The following SHISA9 variants were observed in gnomAD, a reference collection of about 807,000 sequenced individuals.
The protein encoded by SHISA9 is protein shisa-9.
A neutral mutation model predicts 38.0 loss-of-function variants in SHISA9; 13 were observed. The ratio of observed to expected loss-of-function variants is 0.34; its 90% CI spans 0.22 to 0.54. SHISA9 has a LOEUF of 0.54. Ranked by LOEUF, SHISA9 falls within the 20% of genes least tolerant of loss-of-function variation. The pLI is 0.91. For synonymous variants in SHISA9, 275 were observed against 242.0 expected, an observed-to-expected ratio of 1.14 and a Z score of -1.27; for missense variants, 538 against 575.8, an observed-to-expected ratio of 0.93 and a Z score of 0.67.
At chr16:13,001,603 G>T (rs1392223188) in intron 2 of SHISA9, among the ~76,000 whole-genome samples, 1 of 152,176 alleles carries the variant, frequency 6.6e-6, no homozygotes, top group Non-Finnish European at 1.5e-5. Context: ...AGCCTTCTGG[G>T]CTGATGCAAA....
At chr16:13,351,365 A>G in the SHISA9 span, among the ~76,000 whole-genome samples, 1 of 150,318 alleles carries the variant, frequency 6.7e-6, no homozygotes, top group East Asian at 2.0e-4. Flanking sequence ...TCTAACCTTC[A>G]GTTCACTGAC....
intron 2 of SHISA9, among the ~76,000 whole-genome samples, chr16:13,033,663 G>A (rs1212508168): frequency 6.6e-6 from 1 of 152,154 alleles, no homozygotes; most frequent in Non-Finnish European, 1.5e-5. Flanking sequence ...AAACTGCCAG[G>A]AGCTCACTGT....
intron 2 of SHISA9, among the ~76,000 whole-genome samples, chr16:13,101,871 A>C (rs987071304): frequency 6.6e-6 from 1 of 152,230 alleles, no homozygotes; most frequent in African/African-American, 2.4e-5. Context: ...TTAAAACTAA[A>C]TAAATAAATA....
At chr16:12,912,966 C>T (rs1460691495) in intron 1 of SHISA9, among the ~76,000 whole-genome samples, 1 of 152,126 alleles carries the variant, frequency 6.6e-6, no homozygotes, top group African/African-American at 2.4e-5. Context: ...ACGTGTCCAA[C>T]TCCTCGCTGT....
chr16:13,384,254 C>G, the SHISA9 span, among the ~76,000 whole-genome samples: 1 of 152,200 alleles, frequency 6.6e-6, no homozygotes, highest in African/African-American at 2.4e-5. Flanking sequence ...ATGCAGATTT[C>G]AAGCTCTCCT....
chr16:12,995,113 G>T (rs143235707), intron 2 of SHISA9, among the ~76,000 whole-genome samples: 1,957 of 152,004 alleles, frequency 0.013, 12 homozygotes, highest in South Asian at 0.026. Flanking sequence ...TACATAGTAG[G>T]TGTCTATATT....
the SHISA9 span, among the ~76,000 whole-genome samples, chr16:13,414,747 C>T: frequency 9.4e-5 from 14 of 149,428 alleles, no homozygotes; most frequent in Non-Finnish European, 1.8e-4. Context: ...CGGGTTCAAG[C>T]GATTCTCCCT....
intron 2 of SHISA9, among the ~76,000 whole-genome samples, chr16:13,198,653 G>A (rs748961783): frequency 6.6e-5 from 10 of 152,090 alleles, no homozygotes; most frequent in Non-Finnish European, 1.3e-4. Flanking sequence ...TGCCAGGTCT[G>A]GTCTCTATCT....
At chr16:13,287,106 T>C in the SHISA9 span, among the ~76,000 whole-genome samples, 1 of 152,060 alleles carries the variant, frequency 6.6e-6, no homozygotes, top group African/African-American at 2.4e-5. Flanking sequence ...AGAAGGAAAA[T>C]GTAAGTACGT....
At chr16:13,354,394 G>C in the SHISA9 span, among the ~76,000 whole-genome samples, 1 of 147,726 alleles carries the variant, frequency 6.8e-6, no homozygotes, top group Non-Finnish European at 1.5e-5. Context: ...TGAATGTCAG[G>C]TGGATCAGAG....
chr16:13,091,145 G>A (rs2073770873), intron 2 of SHISA9, among the ~76,000 whole-genome samples: 2 of 152,122 alleles, frequency 1.3e-5, no homozygotes, highest in African/African-American at 2.4e-5. Flanking sequence ...CTTCTGGCTT[G>A]CACGGTTTCT....
intron 2 of SHISA9, among the ~76,000 whole-genome samples, chr16:13,063,497 G>A (rs902304851): frequency 6.6e-6 from 1 of 152,130 alleles, no homozygotes; most frequent in African/African-American, 2.4e-5. Flanking sequence ...CTCGTAAAGT[G>A]GAAATGACAC....
At chr16:13,538,298 C>G in the SHISA9 span, among the ~76,000 whole-genome samples, 2 of 152,146 alleles carry the variant, frequency 1.3e-5, no homozygotes, top group Admixed American at 6.5e-5. Flanking sequence ...CCTCTGCTGG[C>G]AAAATACACT....
the SHISA9 span, among the ~76,000 whole-genome samples, chr16:13,465,854 A>C: frequency 9.8e-5 from 15 of 152,370 alleles, no homozygotes; most frequent in Non-Finnish European, 1.9e-4. Context: ...TGTTTTGACA[A>C]GTAGTTTCAT....
chr16:12,970,394 T>TATATAC (rs1458789210), intron 2 of SHISA9, among the ~76,000 whole-genome samples: 3,821 of 16,214 alleles, frequency 0.24, 65 homozygotes, highest in South Asian at 0.32. Context: ...TATATGTATA[T>TATATAC]ATATATATAC....
chr16:13,185,703 G>A (rs1436222746), intron 2 of SHISA9, among the ~76,000 whole-genome samples: 1 of 152,102 alleles, frequency 6.6e-6, no homozygotes, highest in Non-Finnish European at 1.5e-5. Flanking sequence ...AGTGAGTCTT[G>A]TCCATTTTTC....
chr16:13,412,734 G>C, the SHISA9 span, among the ~76,000 whole-genome samples: 1 of 151,566 alleles, frequency 6.6e-6, no homozygotes, highest in Non-Finnish European at 1.5e-5. Flanking sequence ...GCACACACTG[G>C]TAGTTCCAGG....
intron 2 of SHISA9, among the ~76,000 whole-genome samples, chr16:13,154,662 A>C (rs1182232907): frequency 6.6e-6 from 1 of 152,208 alleles, no homozygotes; most frequent in Non-Finnish European, 1.5e-5. Context: ...AATCCTGTCT[A>C]ATACAGCTGC....
At chr16:13,442,972 T>C in the SHISA9 span, among the ~76,000 whole-genome samples, 1 of 152,110 alleles carries the variant, frequency 6.6e-6, no homozygotes, top group African/African-American at 2.4e-5. Flanking sequence ...GGTTGGCAGC[T>C]GACTGTTTCC....
Sources: gnomAD v4.1 joint callset for allele counts (sites outside exome capture counted in the v4.1 genomes callset) on GRCh38, gnomAD v4.1.1 for gene constraint, MANE v1.5 for transcripts, NCBI Gene and HGNC (gene_info 2026-07-23, HGNC 2026-07-21) for gene names.